The following IMMT variants were observed in gnomAD, a reference collection of about 807,000 sequenced individuals.
IMMT encodes inner membrane mitochondrial protein.
IMMT carries 40 observed loss-of-function variants against 92.7 expected under a neutral mutation model. That is an observed-to-expected ratio of 0.43 (90% CI 0.34 to 0.56). The LOEUF is 0.56. IMMT is among the 20% of genes least tolerant of loss of function. The pLI is 0.03. For synonymous variants in IMMT, 322 were observed against 336.1 expected (o/e 0.96, Z 0.46); for missense variants, 831 against 912.1 (o/e 0.91, Z 1.14).
chr2:86,166,439 C>T (rs1051240313), intron 7 of IMMT, 69 bp downstream of exon 7: 2 of 1,455,338 alleles, frequency 1.4e-6, no homozygotes, highest in Non-Finnish European at 1.9e-6. Context: ...CTTCTCTCCA[C>T]CCTCGATTTT....
chr2:86,147,930 C>A lies in IMMT; in HGVS notation c.1402-97G>T, dbSNP rs1326760293. On this transcript the variant is annotated intron_variant, in intron 12 of 14. Transcript: ENST00000410111. Reference sequence around the variant, plus strand: ...CTATCAACCATGACAACAGCAGCTTCCATATCCTGAACGCCTCTAATGTGC... The same window carrying A: ...CTATCAACCATGACAACAGCAGCTTACATATCCTGAACGCCTCTAATGTGC... 3.2e-6 allele frequency: 4 copies of A among 1,231,858 alleles called. No homozygotes were observed. The East Asian group carries it at 9.5e-5, about 29-fold the overall frequency. The allele number at this position is 1,231,858 out of a possible 1,614,324, so 76.3% of individuals were successfully genotyped here. A position where few individuals can be genotyped will look rare whatever the true frequency, so the allele number is the denominator to read the frequency against.
rs752514769 is a variant in IMMT, at chr2:86,144,245, C to CT, written c.*22dup. The CT allele has an allele frequency of 6.2e-7, 1 of 1,610,734 alleles. No homozygotes were observed. The highest frequency in any genetic ancestry group is 2.2e-5 in the East Asian group (1 of 44,816). On this transcript the variant is annotated 3_prime_UTR_variant, in exon 15 of 15. Coordinates refer to ENST00000410111, the MANE Select transcript of IMMT (RefSeq NM_006839.3). ...TGATTTCCTTTGACATGAAATATGA[C>CT]TTTATGAAAATCTTCCTAAACCTCA...
intron 1 of IMMT, among the ~76,000 whole-genome samples, chr2:86,187,609 TG>T (rs1159462626): frequency 3.3e-4 from 50 of 152,268 alleles, no homozygotes; most frequent in African/African-American, 1.2e-3. Context: ...GGTAATTCTA[TG>T]TTTAAATTAC....
At chr2:86,188,135 G>C (rs777194856) in intron 1 of IMMT, among the ~76,000 whole-genome samples, 3 of 151,840 alleles carry the variant, frequency 2.0e-5, no homozygotes, top group Non-Finnish European at 4.4e-5. Flanking sequence ...CGCCTCCCGG[G>C]TTCAAGTGAT....
chr2:86,173,024 C>T (rs1677204657), intron 4 of IMMT, among the ~76,000 whole-genome samples: 1 of 152,172 alleles, frequency 6.6e-6, no homozygotes, highest in Admixed American at 6.5e-5. Flanking sequence ...TTGTTCATGG[C>T]TGTTTCCCCA....
chr2:86,152,480 G>A (rs943544051), intron 11 of IMMT, among the ~76,000 whole-genome samples: 3 of 148,058 alleles, frequency 2.0e-5, no homozygotes, highest in Non-Finnish European at 3.0e-5. Context: ...GGCTCCACCG[G>A]CCAGACACAG....
In IMMT at chr2:86,177,036, A is replaced by C. The variant is rs559823526; in HGVS notation, c.309+2397T>G. On this transcript the variant is annotated intron_variant, in intron 3 of 14. Coordinates refer to ENST00000410111, the MANE Select transcript of IMMT (RefSeq NM_006839.3). ...AGACTAGTCAAAAACATTGTGAAAA[A>C]GTATGGTTGGGGTGGGTTACAGGGA... Among the ~76,000 whole-genome samples, 3 of 152,326 alleles carry C rather than the reference A, an allele frequency of 2.0e-5. No homozygotes were observed. The East Asian group carries it at 5.8e-4, about 29-fold the overall frequency.
chr2:86,193,817 C>A (rs974998266), intron 1 of IMMT, among the ~76,000 whole-genome samples: 1 of 152,158 alleles, frequency 6.6e-6, no homozygotes, highest in Non-Finnish European at 1.5e-5. Flanking sequence ...TAAAAGGGTT[C>A]ATTTTTTATT....
chr2:86,158,403 C>A (rs1461520835), intron 10 of IMMT, 189 bp downstream of exon 10: 4 of 435,938 alleles, frequency 9.2e-6, no homozygotes, highest in Non-Finnish European at 1.7e-5. Context: ...TTCACCACAG[C>A]TAAAACTACA....
chr2:86,157,076 T>C (rs1675907746), intron 10 of IMMT, among the ~76,000 whole-genome samples: 1 of 152,162 alleles, frequency 6.6e-6, no homozygotes, highest in Non-Finnish European at 1.5e-5. Flanking sequence ...TGGCTCAAGT[T>C]TATCCTTCTC....
chr2:86,179,619 C>A lies in IMMT; in HGVS notation c.123G>T (p.Leu41Phe). ...CAGCTCCAGCAATTTTGCCAGTAGT[C>A]AACCTAAGTGAAAGAAACAGGAAAT... ...RRYSTSGSSG[L>F]TTGKIAGAGL... is the part of the protein sequence containing the mutation. Residue 41 changes from leucine to phenylalanine, a missense_variant, in exon 3 of 15, where the codon TTG (leucine) becomes TTT (phenylalanine). Coordinates refer to ENST00000410111, the MANE Select transcript of IMMT (RefSeq NM_006839.3). 6.3e-7 allele frequency: 1 copy of A among 1,591,948 alleles called. No individual in the cohort carries two copies. Among genetic ancestry groups the A allele is most frequent in the Non-Finnish European group, 8.5e-7 (1 of 1,172,910 alleles).
chr2:86,187,905 T>A (rs1456170445), intron 1 of IMMT, among the ~76,000 whole-genome samples: 2 of 145,680 alleles, frequency 1.4e-5, no homozygotes, highest in Non-Finnish European at 3.0e-5. Flanking sequence ...AGAGTGAAAC[T>A]CTGTCTCCAG....
intron 10 of IMMT, among the ~76,000 whole-genome samples, chr2:86,155,098 G>A (rs1306197172): frequency 6.6e-6 from 1 of 151,912 alleles, no homozygotes; most frequent in East Asian, 1.9e-4. Context: ...CCTAACCTCA[G>A]GCAATCCACC....
Position 86,146,107 on chromosome 2 carries a change from C to T in IMMT, c.1624G>A (p.Ala542Thr). The change falls in exon 14 of 15, where the codon GCC becomes ACC. Residue 542 changes from alanine to threonine, a missense_variant. Coordinates refer to ENST00000410111, the MANE Select transcript of IMMT (RefSeq NM_006839.3). ...TCGATTCCTCTGAGTCTGGCATAGGCAGTATTTATATCCAGAGTAAAGTTG... is the reference window on the plus strand; with the variant it reads ...TCGATTCCTCTGAGTCTGGCATAGGTAGTATTTATATCCAGAGTAAAGTTG... ...VDNFTLDINT[A>T]YARLRGIEQA... The T allele has an allele frequency of 6.2e-7, 1 of 1,607,126 alleles. No homozygotes were observed. Among genetic ancestry groups the T allele is most frequent in the South Asian group, 1.1e-5 (1 of 90,180 alleles).
At chr2:86,146,289 A>G (rs1173480377) in intron 13 of IMMT, 92 bp from the exon 14 acceptor site, 1 of 1,125,776 alleles carries the variant, frequency 8.9e-7, no homozygotes, top group South Asian at 1.7e-5. Flanking sequence ...TGCTGAAGCA[A>G]AGAGGGCCTT....
intron 1 of IMMT, among the ~76,000 whole-genome samples, chr2:86,184,738 CA>C (rs60481149): frequency 4.7e-3 from 465 of 99,840 alleles, no homozygotes; most frequent in Non-Finnish European, 4.8e-3. Context: ...TAAAGAAAAG[CA>C]AAAAAAAAAA....
chr2:86,171,256 T>G lies in IMMT; in HGVS notation c.511A>C (p.Thr171Pro), dbSNP rs1306707670. Reference sequence around the variant, plus strand: ...CCTTCACCAATTTCAGGGTGATCAGTTTTTAAAGATTCCTCAGGCTGAACT... The same window carrying G: ...CCTTCACCAATTTCAGGGTGATCAGGTTTTAAAGATTCCTCAGGCTGAACT... ...PAVQPEESLK[T>P]DHPEIGEGKP... The change falls in exon 5 of 15, where the codon ACT (threonine) becomes CCT (proline). Residue 171 changes from threonine (T) to proline (P), a missense_variant. Physicochemically the swap from Thr to Pro is conservative, Grantham distance 38. Transcript: ENST00000410111. The G allele has an allele frequency of 6.2e-7, 1 of 1,605,838 alleles. No homozygotes were observed. The highest frequency in any genetic ancestry group is 8.5e-7 in the Non-Finnish European group (1 of 1,175,514).
intron 3 of IMMT, among the ~76,000 whole-genome samples, chr2:86,178,529 G>A (rs1048832945): frequency 1.3e-5 from 2 of 151,962 alleles, no homozygotes; most frequent in African/African-American, 4.8e-5. Flanking sequence ...GGAAGGCTGA[G>A]GCAGGAGAAT....
chr2:86,160,666 C>T (rs1204248615), intron 8 of IMMT, among the ~76,000 whole-genome samples: 1 of 152,070 alleles, frequency 6.6e-6, no homozygotes, highest in Non-Finnish European at 1.5e-5. Context: ...GATCTTTAGT[C>T]AAATGTAGGT....
Sources: gnomAD v4.1 joint callset for allele counts (sites outside exome capture counted in the v4.1 genomes callset) on GRCh38, gnomAD v4.1.1 for gene constraint, MANE v1.5 for transcripts, NCBI Gene and HGNC (gene_info 2026-07-23, HGNC 2026-07-21) for gene names.